The following OTOG variants were observed in gnomAD, a reference collection of about 807,000 sequenced individuals.
OTOG encodes the protein otogelin.
Under a neutral mutation model 313.8 loss-of-function variants are expected in OTOG, and 296 were observed. The observed-to-expected ratio is 0.94, with a 90% CI of 0.86 to 1.04. OTOG has a LOEUF of 1.04. Among genes scored for constraint, OTOG ranks in the 50% least tolerant of loss-of-function variants. OTOG has a pLI of 0.00. For missense variants in OTOG, 3,948 were observed against 3,840.1 expected, an observed-to-expected ratio of 1.03 and a Z score of -0.74; for synonymous variants, 1,533 against 1,554.9, an observed-to-expected ratio of 0.99 and a Z score of 0.33.
Position 17,633,665 on chromosome 11 carries a change from A to G in OTOG, c.7073-15A>G, listed in dbSNP as rs1285347690. 1 of 1,508,058 alleles carries G rather than the reference A, an allele frequency of 6.6e-7. No homozygotes were observed. The highest frequency in any genetic ancestry group is 2.5e-5 in the East Asian group (1 of 40,142). The allele number at this position is 1,508,058 out of a possible 1,614,324, so 93.4% of individuals were successfully genotyped here. A position where few individuals can be genotyped will look rare whatever the true frequency, so the allele number is the denominator to read the frequency against. The stretch of plus-strand genomic sequence containing the variant: ...GGGGTCTGAGGTAGGCCTGGTGCCC[A>G]CTGTGCCCCTGCAGCCTTCCTGTGC... On this transcript the variant is annotated splice_polypyrimidine_tract_variant and intron_variant, in intron 42 of 55. Coordinates refer to ENST00000399397, the MANE Select transcript of OTOG (RefSeq NM_001292063.2).
At chr11:17,579,087 C>T (rs1463319923) in intron 23 of OTOG, among the ~76,000 whole-genome samples, 1 of 152,198 alleles carries the variant, frequency 6.6e-6, no homozygotes, top group Admixed American at 6.5e-5. Context: ...TGTGTGGGCT[C>T]TGTACACCGA....
At chr11:17,636,755 G>A (rs1168361510) in intron 47 of OTOG, among the ~76,000 whole-genome samples, 3 of 143,534 alleles carry the variant, frequency 2.1e-5, no homozygotes, top group African/African-American at 5.2e-5. Context: ...TTCTCGGGGG[G>A]CAGCCTAGTC....
chr11:17,551,949 C>A (rs1851943863), intron 3 of OTOG, 51 bp from the exon 4 acceptor site: 2 of 1,512,430 alleles, frequency 1.3e-6, no homozygotes, highest in African/African-American at 2.8e-5. Flanking sequence ...TGCCTGGGAA[C>A]CCGTCCTGAG....
intron 32 of OTOG, among the ~76,000 whole-genome samples, chr11:17,602,964 G>T (rs1292038076): frequency 6.6e-6 from 1 of 152,210 alleles, no homozygotes; most frequent in Non-Finnish European, 1.5e-5. Flanking sequence ...TTAAAATAGA[G>T]GATGTTCCCC....
chr11:17,549,382 A>C (rs903317510), intron 3 of OTOG, among the ~76,000 whole-genome samples: 1 of 152,228 alleles, frequency 6.6e-6, no homozygotes, highest in South Asian at 2.1e-4. Context: ...GAAGACCCCA[A>C]GGTGGAGTGA....
chr11:17,579,382 T>C (rs1277094296), intron 23 of OTOG, among the ~76,000 whole-genome samples: 1 of 152,106 alleles, frequency 6.6e-6, no homozygotes, highest in Non-Finnish European at 1.5e-5. Context: ...AGAGCATCCA[T>C]GGCAGAGAGG....
In OTOG at chr11:17,641,033, T is replaced by C. The variant is rs1415780247; in HGVS notation, c.8132T>C (p.Leu2711Pro). ...TSRCTTVLDP[L>P]TNFYQINTTS... is the part of the protein sequence containing the mutation. ...CGCTGCACCACCGTGCTCGACCCTC[T>C]CACCAACTTCTACCAGATCAACACC... is the stretch of plus-strand genomic sequence containing the variant. The change falls in exon 51 of 56, where the codon CTC becomes CCC. Residue 2711 changes from leucine to proline, a missense_variant. Coordinates refer to ENST00000399397, the MANE Select transcript of OTOG (RefSeq NM_001292063.2). The C allele has an allele frequency of 4.3e-6, 6 of 1,395,790 alleles. No homozygotes were observed. The highest frequency in any genetic ancestry group is 5.7e-6 in the Non-Finnish European group (6 of 1,055,340). The allele number at this position is 1,395,790 out of a possible 1,614,324, so 86.5% of individuals were successfully genotyped here.
intron 15 of OTOG, among the ~76,000 whole-genome samples, chr11:17,564,797 G>A (rs1039595686): frequency 6.6e-6 from 1 of 152,180 alleles, no homozygotes; most frequent in Non-Finnish European, 1.5e-5. Context: ...TAAATATGAT[G>A]AGACAGGCCT....
At chr11:17,624,336 G>A (rs117958835) in intron 39 of OTOG, among the ~76,000 whole-genome samples, 241 of 152,264 alleles carry the variant, frequency 1.6e-3, no homozygotes, top group Middle Eastern at 3.4e-3. Flanking sequence ...TGTATATGGC[G>A]TAAGGAAGGG....
Position 17,591,478 on chromosome 11 carries a change from AC to A in OTOG, c.2899del (p.Leu967CysfsTer45). On this transcript the variant is annotated frameshift_variant, in exon 25 of 56. Transcript: ENST00000399397. LOFTEE classifies it high-confidence loss of function. ...GTGCCAGCGGGGCTCATTCCAGTGC[AC>A]CCTGCACCCTTGCGCCTCCACCTGC... ...CVCQRGSFQC[T>X]LHPCASTCTA... 1 of 1,550,546 alleles carries A rather than the reference AC, an allele frequency of 6.4e-7. No individual in the cohort carries two copies. The highest frequency in any genetic ancestry group is 8.7e-7 in the Non-Finnish European group (1 of 1,146,992).
At chr11:17,639,765 T>A (rs1237170848) in intron 49 of OTOG, among the ~76,000 whole-genome samples, 1 of 151,956 alleles carries the variant, frequency 6.6e-6, no homozygotes. Context: ...AGGAGGATGG[T>A]GGTGGTGACG....
At position 17,553,420 on chromosome 11, in the gene OTOG, C is replaced by T. The variant is rs567294014; in HGVS notation, c.441C>T (p.His147=). The T allele has an allele frequency of 3.5e-5, 52 of 1,473,448 alleles. No individual in the cohort carries two copies. The highest frequency in any genetic ancestry group is 3.4e-4 in the South Asian group (24 of 70,752). 91.3% of individuals were successfully genotyped at this position (1,473,448 alleles called of 1,614,324 possible). ...TTTGCCGGGCGTGGGGGCAGCACCA[C>T]GTGGAGACATTTGATGGGCTCTACT... ...DSICRAWGQH[H]VETFDGLYYY... The change falls in exon 6 of 56, where the codon CAC becomes CAT. Residue 147 remains histidine, a synonymous_variant. Coordinates refer to ENST00000399397, the MANE Select transcript of OTOG (RefSeq NM_001292063.2).
rs914932265 is a variant in OTOG at position 17,593,671 on chromosome 11, C to T, written c.3203C>T (p.Thr1068Ile). 297 of 1,549,004 alleles carry T rather than the reference C, an allele frequency of 1.9e-4. No homozygotes were observed. The highest frequency in any genetic ancestry group is 2.3e-4 in the Non-Finnish European group (263 of 1,146,984). Residue 1068 changes from threonine to isoleucine, a missense_variant, in exon 27 of 56, where the codon ACA becomes ATA. Transcript: ENST00000399397. ...EVHTWRVGFF[T>I]LVHFPQEHIT... ...CACACATGGCGAGTGGGATTTTTCA[C>T]ACTGGTGCATTTCCCACAGGAGCAC...
chr11:17,625,882 A>G (rs1853972755), intron 39 of OTOG, among the ~76,000 whole-genome samples: 1 of 152,174 alleles, frequency 6.6e-6, no homozygotes, highest in South Asian at 2.1e-4. Context: ...GCCCAAACCA[A>G]TGTCCTGGAG....
At chr11:17,556,538 A>G (rs1468918946) in intron 7 of OTOG, among the ~76,000 whole-genome samples, 1 of 152,188 alleles carries the variant, frequency 6.6e-6, no homozygotes, top group Non-Finnish European at 1.5e-5. Flanking sequence ...AAACTGGGTG[A>G]CCAAGCAATT....
intron 38 of OTOG, among the ~76,000 whole-genome samples, chr11:17,613,194 CTTTTCTTT>C (rs1289653090): frequency 5.5e-4 from 27 of 48,696 alleles, no homozygotes; most frequent in Middle Eastern, 0.02. Flanking sequence ...TTCTTTCTTT[CTTTTCTTT>C]CTTTCTTTCT....
chr11:17,633,663 C>T lies in OTOG; in HGVS notation c.7073-17C>T. On this transcript the variant is annotated splice_polypyrimidine_tract_variant and intron_variant, in intron 42 of 55. Transcript: ENST00000399397. ...CTGGGGTCTGAGGTAGGCCTGGTGC[C>T]CACTGTGCCCCTGCAGCCTTCCTGT... 6.6e-7 allele frequency: 1 copy of T among 1,508,538 alleles called. No individual in the cohort carries two copies. The highest frequency in any genetic ancestry group is 8.9e-7 in the Non-Finnish European group (1 of 1,124,744). The allele number at this position is 1,508,538 out of a possible 1,614,324, so 93.4% of individuals were successfully genotyped here. A position where few individuals can be genotyped will look rare whatever the true frequency, so the allele number is the denominator to read the frequency against.
In OTOG at chr11:17,610,141, C is replaced by G. The variant is rs897939885; in HGVS notation, c.4841C>G (p.Pro1614Arg). ...SSRSPPAPRF[P>R]LMTKAVTVRG... is the part of the protein sequence containing the mutation. ...CGGTCGCCCCCTGCCCCTCGCTTCC[C>G]GCTCATGACCAAGGCTGTGACAGTC... is the stretch of plus-strand genomic sequence containing the variant. The change falls in exon 36 of 56, where the codon CCG becomes CGG. Residue 1614 changes from proline (P) to arginine (R), a missense_variant. By Grantham distance (103) the Pro-to-Arg change is moderately radical. Coordinates refer to ENST00000399397, the MANE Select transcript of OTOG (RefSeq NM_001292063.2). The G allele has an allele frequency of 1.2e-5, 18 of 1,550,644 alleles. No individual in the cohort carries two copies. Among genetic ancestry groups the G allele is most frequent in the African/African-American group, 2.7e-5 (2 of 73,140 alleles).
At chr11:17,611,508 C>A (rs749695354) in intron 36 of OTOG, 85 bp downstream of exon 36, 3 of 1,311,712 alleles carry the variant, frequency 2.3e-6, no homozygotes, top group South Asian at 1.5e-5. Flanking sequence ...GAGTTTTAGT[C>A]GCTATCCTCA....
Sources: allele counts gnomAD v4.1 joint callset (sites outside exome capture counted in the v4.1 genomes callset), GRCh38; gene constraint gnomAD v4.1.1; transcripts MANE v1.5; gene names NCBI Gene and HGNC (gene_info 2026-07-23, HGNC 2026-07-21).